The following GNG7 variants were observed in gnomAD, a reference collection of about 807,000 sequenced individuals.
GNG7 encodes the protein guanine nucleotide-binding protein G(I)/G(S)/G(O) subunit gamma-7.
A neutral mutation model predicts 4.0 loss-of-function variants in GNG7; 1 was observed. The ratio of observed to expected loss-of-function variants is 0.25; its 90% CI spans 0.09 to 1.18. The LOEUF (loss-of-function observed/expected upper bound fraction) is 1.18, where lower values mean the gene tolerates loss of function less well. GNG7 is among the 50% of genes most tolerant of loss of function. The pLI is 0.50. For synonymous variants in GNG7, 34 were observed against 36.9 expected, an observed-to-expected ratio of 0.92 and a Z score of 0.29; for missense variants, 86 against 91.9, an observed-to-expected ratio of 0.94 and a Z score of 0.26.
At chr19:2,606,724 TAA>T (rs995024927) in intron 2 of GNG7, among the ~76,000 whole-genome samples, 11 of 149,824 alleles carry the variant, frequency 7.3e-5, no homozygotes, top group African/African-American at 2.5e-4. Flanking sequence ...GTCTCAAAAA[TAA>T]AAAGTCAGGA....
rs1401420267 is a variant in GNG7, at chr19:2,611,122, GC to G, written c.-78+35101del. ...GTGGGCCCCTCGCACCGGGTGCGGC[GC>G]CCAGGGTTCCCCGCCACCCCGACCC... is the stretch of plus-strand genomic sequence containing the variant. On this transcript the variant is annotated intron_variant, in intron 2 of 4. Transcript: ENST00000382159. This position sits in a 1 kb window ranked among gnomAD's most constrained non-coding sequence, Gnocchi z 6.0. 3 of 152,188 alleles carry G rather than the reference GC, an allele frequency of 2.0e-5. No homozygotes were observed. Among genetic ancestry groups the G allele is most frequent in the Admixed American group, 2.0e-4 (3 of 15,258 alleles). 9.4% of individuals were successfully genotyped at this position (152,188 alleles called of 1,614,324 possible).
chr19:2,659,649 G>A (rs1280335595), intron 1 of GNG7, among the ~76,000 whole-genome samples: 1 of 144,198 alleles, frequency 6.9e-6, no homozygotes, highest in East Asian at 2.2e-4. Context: ...AAGGAAAGAG[G>A]AAGGGAGAGG....
chr19:2,516,482 C>G (rs1972736802), intron 4 of GNG7, among the ~76,000 whole-genome samples: 1 of 152,068 alleles, frequency 6.6e-6, no homozygotes, highest in African/African-American at 2.4e-5. Flanking sequence ...CCTTAGCCTC[C>G]CAAAGTGCTG....
intron 1 of GNG7, among the ~76,000 whole-genome samples, chr19:2,660,962 A>G (rs1255148081): frequency 6.6e-6 from 1 of 152,104 alleles, no homozygotes; most frequent in Non-Finnish European, 1.5e-5. Flanking sequence ...CTGTAATCCC[A>G]GTACTCTGGG....
chr19:2,580,204 G>A (rs1272008491), intron 2 of GNG7, among the ~76,000 whole-genome samples: 2 of 152,044 alleles, frequency 1.3e-5, no homozygotes, highest in African/African-American at 4.8e-5. Context: ...CATTGGTCCC[G>A]GCCTGGCCTG....
At chr19:2,629,471 G>A (rs1043622615) in intron 2 of GNG7, among the ~76,000 whole-genome samples, 10 of 152,224 alleles carry the variant, frequency 6.6e-5, no homozygotes, top group South Asian at 2.1e-4. Context: ...GCGCCCACAC[G>A]AATAGGAGGT....
Position 2,525,705 on chromosome 19 carries a change from G to A in GNG7, c.-37-4980C>T, listed in dbSNP as rs1404805185. On this transcript the variant is annotated intron_variant, in intron 3 of 4. Coordinates refer to ENST00000382159, the MANE Select transcript of GNG7 (RefSeq NM_052847.3). ...CGCCCTCTAACCCCTTGCTCCGGCA[G>A]TTATCCCGAGGGCAAAAAATGAAAA... Among the ~76,000 whole-genome samples the A allele has an allele frequency of 5.3e-5, 8 of 152,282 alleles. No homozygotes were observed. In the Middle Eastern group the frequency reaches 0.01, roughly 194 times the overall value.
chr19:2,596,919 A>G (rs1981039510), intron 2 of GNG7, among the ~76,000 whole-genome samples: 1 of 152,128 alleles, frequency 6.6e-6, no homozygotes, highest in African/African-American at 2.4e-5. Context: ...TTAAGCCCAG[A>G]AAACAGAACA....
At chr19:2,656,846 G>A (rs1345796148) in intron 1 of GNG7, among the ~76,000 whole-genome samples, 1 of 152,148 alleles carries the variant, frequency 6.6e-6, no homozygotes, top group Non-Finnish European at 1.5e-5. Flanking sequence ...TATAATCCGT[G>A]TACTAGAGTT....
Position 2,633,493 on chromosome 19 carries a change from A to ACACGCGCGCGCG in GNG7, c.-78+12730_-78+12731insCGCGCGCGCGTG, listed in dbSNP as rs1555698933. 8.7e-6 allele frequency among the ~76,000 whole-genome samples: 1 copy of ACACGCGCGCGCG among 115,124 alleles called. No individual in the cohort carries two copies. The highest frequency in any genetic ancestry group is 3.2e-5 in the African/African-American group (1 of 31,482). 75.5% of individuals were successfully genotyped at this position (115,124 alleles called of 152,430 possible). A position where few individuals can be genotyped will look rare whatever the true frequency, so the allele number is the denominator to read the frequency against. ...CAGGCGCGCGCGCGCGCGCGCACAC[A>ACACGCGCGCGCG]CACACACACACACACACACACACAC... On this transcript the variant is annotated intron_variant, in intron 2 of 4. Transcript: ENST00000382159. This position sits in a 1 kb window ranked among gnomAD's most constrained non-coding sequence, Gnocchi z 5.9.
intron 2 of GNG7, among the ~76,000 whole-genome samples, chr19:2,612,686 A>AT (rs61243256): frequency 0.011 from 1,461 of 135,824 alleles, 18 homozygotes; most frequent in South Asian, 0.016. Context: ...ACAGCTTAGA[A>AT]TTTTTTTTTT....
At chr19:2,692,333 T>A (rs1913152730) in intron 1 of GNG7, among the ~76,000 whole-genome samples, 1 of 151,474 alleles carries the variant, frequency 6.6e-6, no homozygotes, top group Non-Finnish European at 1.5e-5. Flanking sequence ...AGTTAGGGAG[T>A]TTTTTAAGAA....
At chr19:2,661,312 G>GAA (rs1285343326) in intron 1 of GNG7, among the ~76,000 whole-genome samples, 27 of 132,768 alleles carry the variant, frequency 2.0e-4, no homozygotes, top group African/African-American at 5.4e-4. Context: ...GAGAAAGAAA[G>GAA]AAAGAAAGAA....
intron 1 of GNG7, among the ~76,000 whole-genome samples, chr19:2,697,636 CGCAGAATT>C (rs1204581883): frequency 6.6e-6 from 1 of 152,172 alleles, no homozygotes; most frequent in Non-Finnish European, 1.5e-5. Flanking sequence ...TCAACAAGGA[CGCAGAATT>C]GCAGAAATCA....
intron 2 of GNG7, among the ~76,000 whole-genome samples, chr19:2,561,891 A>T (rs953851490): frequency 6.6e-6 from 1 of 151,982 alleles, no homozygotes; most frequent in African/African-American, 2.4e-5. Flanking sequence ...AAAAAAAAAG[A>T]AATGACACTG....
intron 3 of GNG7, among the ~76,000 whole-genome samples, chr19:2,544,362 G>A (rs551811709): frequency 1.4e-4 from 22 of 152,268 alleles, no homozygotes; most frequent in Admixed American, 3.9e-4. Context: ...CTGTGGGCAC[G>A]AGGGCCTCAG....
intron 1 of GNG7, among the ~76,000 whole-genome samples, chr19:2,689,015 T>C (rs1021623165): frequency 1.1e-4 from 17 of 151,516 alleles, no homozygotes; most frequent in Admixed American, 9.9e-4. Context: ...CAGTGAGCCA[T>C]GATCACTCCA....
chr19:2,661,374 A>C (rs927467517), intron 1 of GNG7, among the ~76,000 whole-genome samples: 13 of 151,368 alleles, frequency 8.6e-5, no homozygotes, highest in African/African-American at 2.9e-4. Flanking sequence ...TGGGCCCTCC[A>C]GGCTGGGCAC....
Position 2,611,438 on chromosome 19 carries a change from A to G in GNG7, c.-78+34786T>C, listed in dbSNP as rs1981561241. 6.6e-6 allele frequency: 1 copy of G among 152,216 alleles called. No individual in the cohort carries two copies. The highest frequency in any genetic ancestry group is 2.1e-4 in the South Asian group (1 of 4,822). The allele number at this position is 152,216 out of a possible 1,614,324, so 9.4% of individuals were successfully genotyped here. A position where few individuals can be genotyped will look rare whatever the true frequency, so the allele number is the denominator to read the frequency against. On this transcript the variant is annotated intron_variant, in intron 2 of 4. Transcript: ENST00000382159. The surrounding 1 kb of genome is among the most constrained non-coding windows in gnomAD (Gnocchi z 6.0). Reference sequence around the variant, plus strand: ...TGAGCTCGAGGTGCCCCGTCCCAGGACCGTGGCAGGAGGGGGTCCCGTCCT... The same window carrying G: ...TGAGCTCGAGGTGCCCCGTCCCAGGGCCGTGGCAGGAGGGGGTCCCGTCCT...
Sources: allele counts gnomAD v4.1 joint callset (sites outside exome capture counted in the v4.1 genomes callset), GRCh38; gene constraint gnomAD v4.1.1; non-coding constraint Gnocchi (gnomAD v3.1); transcripts MANE v1.5; gene names NCBI Gene and HGNC (gene_info 2026-07-23, HGNC 2026-07-21).